POR: variants seen among roughly 807,000 people sequenced by gnomAD.
POR encodes NADPH--cytochrome P450 reductase.
A neutral mutation model predicts 84.0 loss-of-function variants in POR; 56 were observed. The observed-to-expected ratio is 0.67, with a 90% CI of 0.54 to 0.83. The LOEUF (loss-of-function observed/expected upper bound fraction) is 0.83. POR is among the 40% of genes least tolerant of loss of function. The pLI, the probability that POR is intolerant of heterozygous loss-of-function variation, is 0.00. For synonymous variants in POR, 414 were observed against 400.5 expected, an observed-to-expected ratio of 1.03 and a Z score of -0.40; for missense variants, 938 against 944.3, an observed-to-expected ratio of 0.99 and a Z score of 0.09.
intron 1 of POR, among the ~76,000 whole-genome samples, chr7:75,927,461 A>G (rs940160645): frequency 1.3e-5 from 2 of 151,980 alleles, no homozygotes; most frequent in Non-Finnish European, 2.9e-5. Context: ...TGTCTCAAAA[A>G]AAAAACAACA....
intron 2 of POR, among the ~76,000 whole-genome samples, chr7:75,972,058 G>T (rs1218932559): frequency 6.6e-6 from 1 of 152,156 alleles, no homozygotes; most frequent in Non-Finnish European, 1.5e-5. Context: ...CTGGGCTGTG[G>T]GTGGGGAGGA....
intron 1 of POR, among the ~76,000 whole-genome samples, chr7:75,946,295 AT>A (rs1377342955): frequency 2.0e-5 from 3 of 151,178 alleles, no homozygotes; most frequent in African/African-American, 7.3e-5. Context: ...TCTGTGCCTA[AT>A]TTTTTCTTGA....
At chr7:75,936,889 C>G (rs775364090) in intron 1 of POR, among the ~76,000 whole-genome samples, 1 of 146,258 alleles carries the variant, frequency 6.8e-6, no homozygotes, top group Non-Finnish European at 1.5e-5. Context: ...TGCAGTGGCG[C>G]GATCTTGGCT....
chr7:75,923,457 C>A, intron 1 of POR: 1 of 541,608 alleles, frequency 1.8e-6, no homozygotes, highest in South Asian at 2.2e-5. Flanking sequence ...AGCCAGGTGC[C>A]AAACTACAGT....
chr7:75,923,302 A>C, intron 1 of POR: 2 of 1,203,946 alleles, frequency 1.7e-6, no homozygotes, highest in Non-Finnish European at 1.2e-6. Flanking sequence ...AAGCATTTCC[A>C]GGAGATCTCA....
chr7:75,972,267 G>A, intron 2 of POR, 146 bp from the exon 3 acceptor site: 1 of 718,256 alleles, frequency 1.4e-6, no homozygotes, highest in South Asian at 1.7e-5. Flanking sequence ...AGCCCCTGGG[G>A]AGTGGCACGG....
intron 1 of POR, chr7:75,943,793 A>G (rs781891318): frequency 1.0e-5 from 5 of 482,218 alleles, no homozygotes; most frequent in South Asian, 6.1e-5. Flanking sequence ...TGCATTCTTA[A>G]ACCCTCTTGG....
Position 75,982,342 on chromosome 7 carries a change from C to T in POR, c.830+20C>T. 4 of 1,594,870 alleles carry T rather than the reference C, an allele frequency of 2.5e-6. No homozygotes were observed. Among genetic ancestry groups the T allele is most frequent in the Non-Finnish European group, 3.4e-6 (4 of 1,168,928 alleles). The stretch of plus-strand genomic sequence containing the variant: ...GAAGCCGTGAGTGGAGGGAGCGTGG[C>T]TTGGGGCAGACGGCTCTATGGCCAC... On this transcript the variant is annotated intron_variant, in intron 8 of 15. Coordinates refer to ENST00000461988, the MANE Select transcript of POR (RefSeq NM_000941.3).
chr7:75,961,744 C>T (rs1364507805), intron 2 of POR, among the ~76,000 whole-genome samples: 3 of 151,958 alleles, frequency 2.0e-5, no homozygotes, highest in African/African-American at 4.8e-5. Context: ...CCAGGCATGG[C>T]GGCTCATGCC....
At chr7:75,976,367 C>G (rs781795989) in intron 3 of POR, among the ~76,000 whole-genome samples, 6 of 151,836 alleles carry the variant, frequency 4.0e-5, no homozygotes, top group Non-Finnish European at 5.9e-5. Flanking sequence ...CACTTGAACC[C>G]GGGAGGCGGA....
At chr7:75,980,800 G>T in intron 5 of POR, 1 of 1,302,908 alleles carries the variant, frequency 7.7e-7, no homozygotes, top group Non-Finnish European at 1.0e-6. Flanking sequence ...GGGAGGGTGG[G>T]CTGGCCCCGC....
In POR at chr7:75,985,780, G is replaced by T. The variant is rs1554559162; in HGVS notation, c.1600G>T (p.Val534Leu). ...CAAGGCCACCACGCCTGTCATCATG[G>T]TGGGCCCCGGCACCGGGGTGGCACC... The change falls in exon 13 of 16, where the codon GTG becomes TTG. Residue 534 changes from valine to leucine, a missense_variant. Coordinates refer to ENST00000461988, the MANE Select transcript of POR (RefSeq NM_000941.3). 1.9e-6 allele frequency: 3 copies of T among 1,573,912 alleles called. No individual in the cohort carries two copies. The highest frequency in any genetic ancestry group is 2.6e-6 in the Non-Finnish European group (3 of 1,160,574).
At chr7:75,952,826 TCA>T (rs1417102522) in intron 1 of POR, among the ~76,000 whole-genome samples, 1 of 150,220 alleles carries the variant, frequency 6.7e-6, no homozygotes, top group Admixed American at 6.6e-5. Context: ...GAGACGCTCC[TCA>T]CTTTCCAGAC....
At chr7:75,959,493 T>C (rs1277973525) in intron 2 of POR, among the ~76,000 whole-genome samples, 1 of 152,206 alleles carries the variant, frequency 6.6e-6, no homozygotes, top group Non-Finnish European at 1.5e-5. Context: ...TCTCGCCCTG[T>C]CACCCAGGCT....
intron 1 of POR, among the ~76,000 whole-genome samples, chr7:75,952,380 A>C (rs1585103866): frequency 1.0e-4 from 10 of 95,418 alleles, no homozygotes; most frequent in African/African-American, 2.2e-4. Flanking sequence ...GGCGCCCCTC[A>C]CCTCCCGGAC....
intron 1 of POR, among the ~76,000 whole-genome samples, chr7:75,930,322 A>G (rs1038201171): frequency 6.6e-6 from 1 of 151,922 alleles, no homozygotes; most frequent in Non-Finnish European, 1.5e-5. Flanking sequence ...TGTTTTAGAG[A>G]CATTCAGAAA....
chr7:75,941,108 G>C (rs1807959628), intron 1 of POR, among the ~76,000 whole-genome samples: 1 of 152,112 alleles, frequency 6.6e-6, no homozygotes. Flanking sequence ...GTATGAGGGT[G>C]CAGTGAACTA....
chr7:75,948,415 C>G (rs148441543), intron 1 of POR, among the ~76,000 whole-genome samples: 7 of 152,338 alleles, frequency 4.6e-5, no homozygotes, highest in African/African-American at 1.7e-4. Flanking sequence ...CAGTCACAGC[C>G]TCAAGGAGCA....
chr7:75,981,165 G>A lies in POR; in HGVS notation c.634G>A (p.Asp212Asn), dbSNP rs374707345. 2.5e-5 allele frequency: 38 copies of A among 1,541,666 alleles called. No individual in the cohort carries two copies. The highest frequency in any genetic ancestry group is 2.8e-5 in the Non-Finnish European group (32 of 1,142,434). Reference sequence around the variant, plus strand: ...CTTTGAGCTGGGGTTGGGCGACGACGATGGGAAGTGAGTGCCCACCCTGCC... The same window carrying A: ...CTTTGAGCTGGGGTTGGGCGACGACAATGGGAAGTGAGTGCCCACCCTGCC... The change falls in exon 6 of 16, where the codon GAT becomes AAT. Residue 212 changes from aspartate (D) to asparagine (N), a missense_variant. Physicochemically the swap from Asp to Asn is conservative, Grantham distance 23 (BLOSUM62 1). Coordinates refer to ENST00000461988, the MANE Select transcript of POR (RefSeq NM_000941.3).
Sources: gnomAD v4.1 joint callset for allele counts (sites outside exome capture counted in the v4.1 genomes callset) on GRCh38, gnomAD v4.1.1 for gene constraint, MANE v1.5 for transcripts, NCBI Gene and HGNC (gene_info 2026-07-23, HGNC 2026-07-21) for gene names.